The following TOX variants were observed in gnomAD, a reference collection of about 807,000 sequenced individuals.
TOX encodes thymocyte selection associated high mobility group box, also known as thymocyte selection-associated high mobility group box protein TOX.
Under a neutral mutation model 53.7 loss-of-function variants are expected in TOX, and 11 were observed. The observed-to-expected ratio is 0.20, with a 90% confidence interval of 0.13 to 0.34. TOX has a LOEUF of 0.34. Among genes scored for constraint, TOX ranks in the 10% least tolerant of loss-of-function variants. The pLI is 1.00. For synonymous variants in TOX, 225 were observed against 245.3 expected, an observed-to-expected ratio of 0.92 and a Z score of 0.77; for missense variants, 570 against 664.6, an observed-to-expected ratio of 0.86 and a Z score of 1.56.
chr8:58,898,679 C>G (rs1410170929), intron 3 of TOX, among the ~76,000 whole-genome samples: 1 of 152,144 alleles, frequency 6.6e-6, no homozygotes, highest in Non-Finnish European at 1.5e-5. Context: ...TGTCCGTTTT[C>G]TTCCCAACCC....
chr8:58,871,794 A>G (rs1321814013), intron 3 of TOX, among the ~76,000 whole-genome samples: 2 of 152,190 alleles, frequency 1.3e-5, no homozygotes, highest in Non-Finnish European at 2.9e-5. Context: ...GAAGACAATC[A>G]GTATGAATTC....
intron 1 of TOX, among the ~76,000 whole-genome samples, chr8:59,000,187 T>A (rs780050913): frequency 4.6e-5 from 7 of 152,164 alleles, no homozygotes; most frequent in Non-Finnish European, 7.4e-5. Flanking sequence ...ATAAAAAGAA[T>A]AGATGTGTAT....
chr8:58,929,243 T>C (rs10094258), intron 3 of TOX, among the ~76,000 whole-genome samples: 137,458 of 151,716 alleles, frequency 0.91, 62,401 homozygotes, highest in East Asian at 1. Context: ...ACACGCTCTC[T>C]GGATGATTTT....
chr8:58,893,628 T>G (rs1435676559), intron 3 of TOX, among the ~76,000 whole-genome samples: 2 of 152,194 alleles, frequency 1.3e-5, no homozygotes, highest in Non-Finnish European at 2.9e-5. Flanking sequence ...CAGCACCTCT[T>G]CTCGCATGTG....
intron 7 of TOX, among the ~76,000 whole-genome samples, chr8:58,811,615 A>G (rs1810077226): frequency 6.6e-6 from 1 of 152,062 alleles, no homozygotes; most frequent in Non-Finnish European, 1.5e-5. Context: ...TCTCAATGTG[A>G]TTTTTTTTAA....
At chr8:59,060,626 C>CA (rs1803966835) in intron 1 of TOX, among the ~76,000 whole-genome samples, 1 of 152,034 alleles carries the variant, frequency 6.6e-6, no homozygotes, top group Non-Finnish European at 1.5e-5. Flanking sequence ...GACTTCATCT[C>CA]AAAAAACAAA....
intron 5 of TOX, among the ~76,000 whole-genome samples, chr8:58,834,963 G>C (rs944779846): frequency 6.6e-6 from 1 of 152,146 alleles, no homozygotes. Context: ...GACCAAAACT[G>C]TTTTAGTCAT....
intron 3 of TOX, among the ~76,000 whole-genome samples, chr8:58,889,811 G>C (rs1811530444): frequency 1.3e-5 from 2 of 151,996 alleles, no homozygotes; most frequent in Non-Finnish European, 2.9e-5. Context: ...ATATTGCTAA[G>C]TTTTTATTTC....
intron 1 of TOX, among the ~76,000 whole-genome samples, chr8:59,057,328 A>G (rs1274038879): frequency 6.6e-6 from 1 of 152,224 alleles, no homozygotes. Context: ...CTGACACTAC[A>G]CTGAGCCCTT....
intron 1 of TOX, among the ~76,000 whole-genome samples, chr8:59,012,542 G>A (rs1813926271): frequency 6.6e-6 from 1 of 151,224 alleles, no homozygotes; most frequent in African/African-American, 2.4e-5. Context: ...TTTTTTTCTT[G>A]AAAAAAGAAA....
At chr8:58,829,345 C>A (rs868599556) in intron 5 of TOX, among the ~76,000 whole-genome samples, 1 of 152,294 alleles carries the variant, frequency 6.6e-6, no homozygotes, top group Non-Finnish European at 1.5e-5. Context: ...ACCTGACTAG[C>A]ATGCAGAGTC....
intron 1 of TOX, among the ~76,000 whole-genome samples, chr8:59,095,472 T>C (rs538765778): frequency 2.6e-5 from 4 of 152,316 alleles, no homozygotes; most frequent in African/African-American, 9.6e-5. Flanking sequence ...AATGGCATGA[T>C]CTCGGCTCAC....
At chr8:58,881,723 CAAAA>C (rs11316154) in intron 3 of TOX, among the ~76,000 whole-genome samples, 2 of 82,498 alleles carry the variant, frequency 2.4e-5, no homozygotes, top group East Asian at 7.4e-4. Flanking sequence ...GATTCCATCT[CAAAA>C]AAAAAAAAAA....
chr8:59,091,453 C>T (rs1289225865), intron 1 of TOX, among the ~76,000 whole-genome samples: 1 of 152,034 alleles, frequency 6.6e-6, no homozygotes, highest in East Asian at 1.9e-4. Context: ...CCCCTTAAAA[C>T]TTGGGTTATC....
chr8:58,925,807 C>A (rs188652266), intron 3 of TOX, among the ~76,000 whole-genome samples: 1 of 152,134 alleles, frequency 6.6e-6, no homozygotes, highest in African/African-American at 2.4e-5. Flanking sequence ...AAGTATACTG[C>A]GCTCTGAGAA....
intron 1 of TOX, among the ~76,000 whole-genome samples, chr8:58,962,942 G>T (rs1812826632): frequency 6.6e-6 from 1 of 152,196 alleles, no homozygotes; most frequent in Non-Finnish European, 1.5e-5. Flanking sequence ...GGGTGTTTCT[G>T]AGCGAGAATA....
intron 3 of TOX, among the ~76,000 whole-genome samples, chr8:58,868,484 C>T (rs1308820168): frequency 5.9e-5 from 9 of 152,122 alleles, no homozygotes; most frequent in African/African-American, 2.2e-4. Flanking sequence ...CTTCCACCCA[C>T]CAAACATGGC....
At chr8:58,922,383 G>C (rs1812088375) in intron 3 of TOX, among the ~76,000 whole-genome samples, 1 of 152,178 alleles carries the variant, frequency 6.6e-6, no homozygotes, top group African/African-American at 2.4e-5. Context: ...GTGCATGCGT[G>C]TGTATACACA....
chr8:58,982,507 T>C (rs1813224774), intron 1 of TOX, among the ~76,000 whole-genome samples: 1 of 152,228 alleles, frequency 6.6e-6, no homozygotes, highest in African/African-American at 2.4e-5. Context: ...ACTGGTCCTC[T>C]ATCTTTACTG....
Sources: gnomAD v4.1 joint callset for allele counts (sites outside exome capture counted in the v4.1 genomes callset) on GRCh38, gnomAD v4.1.1 for gene constraint, MANE v1.5 for transcripts, NCBI Gene and HGNC (gene_info 2026-07-23, HGNC 2026-07-21) for gene names.